The following PDZRN4 variants were observed in gnomAD, a reference collection of about 807,000 sequenced individuals.
PDZRN4 encodes the protein PDZ domain containing ring finger 4.
A neutral mutation model predicts 99.0 loss-of-function variants in PDZRN4; 70 were observed. That is an observed-to-expected ratio of 0.71 (90% CI 0.58 to 0.86). The LOEUF (loss-of-function observed/expected upper bound fraction) is 0.86, where lower values mean the gene tolerates loss of function less well. Ranked by LOEUF, PDZRN4 falls within the 40% of genes least tolerant of loss-of-function variation. The pLI is 0.00. For missense variants in PDZRN4, 1,474 were observed against 1,331.2 expected (o/e 1.11, Z -1.67); for synonymous variants, 551 against 501.6 (o/e 1.10, Z -1.32).
intron 3 of PDZRN4, among the ~76,000 whole-genome samples, chr12:41,407,185 A>T (rs1952356403): frequency 6.6e-6 from 1 of 152,160 alleles, no homozygotes; most frequent in Non-Finnish European, 1.5e-5. Flanking sequence ...GTCCTCATCC[A>T]CTTGGGGATA....
intron 3 of PDZRN4, among the ~76,000 whole-genome samples, chr12:41,398,764 T>C (rs1952268681): frequency 6.6e-6 from 1 of 152,174 alleles, no homozygotes; most frequent in East Asian, 1.9e-4. Context: ...CTTTCATACC[T>C]GCTGTATGTA....
chr12:41,407,810 G>A (rs990935713), intron 3 of PDZRN4, among the ~76,000 whole-genome samples: 2 of 152,068 alleles, frequency 1.3e-5, no homozygotes, highest in East Asian at 1.9e-4. Context: ...TAAATTCTGC[G>A]AGAAAAGATG....
chr12:41,402,705 C>G (rs920264663), intron 3 of PDZRN4, among the ~76,000 whole-genome samples: 4 of 135,664 alleles, frequency 2.9e-5, no homozygotes, highest in Admixed American at 2.3e-4. Flanking sequence ...TATATATACT[C>G]TCTTCAAAAG....
At chr12:41,428,421 CATTATA>C (rs1399010196) in intron 3 of PDZRN4, among the ~76,000 whole-genome samples, 2 of 152,084 alleles carry the variant, frequency 1.3e-5, no homozygotes, top group East Asian at 3.9e-4. Context: ...CCTTGACTAC[CATTATA>C]ATGACTGAAT....
In PDZRN4 at chr12:41,449,768, G is replaced by A. The variant is rs146979613; in HGVS notation, c.844-56688G>A. Among the ~76,000 whole-genome samples, 696 of 152,304 alleles carry A rather than the reference G, an allele frequency of 4.6e-3. 6 individuals are homozygous for A. Among genetic ancestry groups the A allele is most frequent in the Non-Finnish European group, 5.7e-3 (385 of 68,014 alleles). On this transcript the variant is annotated intron_variant, in intron 3 of 9. Transcript: ENST00000402685. ...AATCAATTATTGACTTAGTAATTGT[G>A]ATGCATCTCCTTTTGCTGCCTTCTG... is the stretch of plus-strand genomic sequence containing the variant.
chr12:41,277,802 TGG>T (rs1439937671), intron 3 of PDZRN4, among the ~76,000 whole-genome samples: 1 of 152,222 alleles, frequency 6.6e-6, no homozygotes, highest in Non-Finnish European at 1.5e-5. Context: ...AATTTCTCTT[TGG>T]TAGATTAGCA....
At chr12:41,477,985 T>C in intron 3 of PDZRN4, 1 of 994,386 alleles carries the variant, frequency 1.0e-6, no homozygotes, top group Admixed American at 2.0e-5. Flanking sequence ...CGAATTAATC[T>C]ACATGATATA....
At chr12:41,483,897 C>T (rs919535544) in intron 3 of PDZRN4, among the ~76,000 whole-genome samples, 5 of 152,162 alleles carry the variant, frequency 3.3e-5, no homozygotes, top group African/African-American at 1.2e-4. Flanking sequence ...AAAGAGCCCT[C>T]TTCATCTGAC....
intron 3 of PDZRN4, among the ~76,000 whole-genome samples, chr12:41,300,433 A>C (rs1362572917): frequency 6.6e-6 from 1 of 152,024 alleles, no homozygotes; most frequent in South Asian, 2.1e-4. Context: ...TCTTAATTAT[A>C]TTTTGAGATA....
At chr12:41,256,545 C>G (rs1951205818) in intron 3 of PDZRN4, among the ~76,000 whole-genome samples, 1 of 152,180 alleles carries the variant, frequency 6.6e-6, no homozygotes, top group Admixed American at 6.5e-5. Context: ...TTTCTATCCT[C>G]TTGACGTAAG....
In PDZRN4 at chr12:41,221,425, A is replaced by C. The variant is rs548092938; in HGVS notation, c.843+27237A>C. Among the ~76,000 whole-genome samples the C allele has an allele frequency of 3.3e-5, 5 of 152,274 alleles. No individual in the cohort carries two copies. In the South Asian group the frequency reaches 1.0e-3, roughly 32 times the overall value. On this transcript the variant is annotated intron_variant, in intron 3 of 9. Coordinates refer to ENST00000402685, the MANE Select transcript of PDZRN4 (RefSeq NM_001164595.2). ...AAGCAATGTTAATCCATATCCTTAC[A>C]GGCAACACATTTGGTAGAGCATTAT...
intron 3 of PDZRN4, among the ~76,000 whole-genome samples, chr12:41,237,955 T>C (rs577363634): frequency 3.7e-4 from 56 of 152,310 alleles, no homozygotes; most frequent in African/African-American, 1.3e-3. Flanking sequence ...ACTCAGGCTC[T>C]TTTTTCTTTC....
chr12:41,572,252 G>A, intron 9 of PDZRN4, 112 bp from the exon 10 acceptor site: 1 of 820,420 alleles, frequency 1.2e-6, no homozygotes, highest in Admixed American at 2.8e-5. Flanking sequence ...TAGAGCAACT[G>A]TCTAGGAGAT....
At chr12:41,294,531 A>G (rs915946051) in intron 3 of PDZRN4, among the ~76,000 whole-genome samples, 1 of 152,202 alleles carries the variant, frequency 6.6e-6, no homozygotes, top group Non-Finnish European at 1.5e-5. Context: ...GAATTCATTC[A>G]TTTTAAATAT....
chr12:41,220,430 C>T (rs1950947232), intron 3 of PDZRN4, among the ~76,000 whole-genome samples: 1 of 152,052 alleles, frequency 6.6e-6, no homozygotes, highest in African/African-American at 2.4e-5. Flanking sequence ...AATGCAGTCA[C>T]ATTTGGAGGT....
At chr12:41,344,084 T>G (rs1477223978) in intron 3 of PDZRN4, among the ~76,000 whole-genome samples, 1 of 152,226 alleles carries the variant, frequency 6.6e-6, no homozygotes, top group African/African-American at 2.4e-5. Flanking sequence ...TTCTTCATGT[T>G]AAAGCAGCTT....
intron 3 of PDZRN4, among the ~76,000 whole-genome samples, chr12:41,204,317 G>A (rs963902956): frequency 7.9e-5 from 12 of 152,088 alleles, no homozygotes; most frequent in Middle Eastern, 3.4e-3. Flanking sequence ...AGAGAAAGAC[G>A]GAGAGAGACA....
intron 3 of PDZRN4, among the ~76,000 whole-genome samples, chr12:41,231,005 C>T (rs1405548): frequency 0.67 from 101,359 of 152,006 alleles, 33,918 homozygotes; most frequent in South Asian, 0.73. Flanking sequence ...CCCATCACTT[C>T]CCCTGTGGTT....
intron 3 of PDZRN4, among the ~76,000 whole-genome samples, chr12:41,397,187 G>T (rs111974145): frequency 1.3e-5 from 2 of 152,036 alleles, no homozygotes; most frequent in Non-Finnish European, 2.9e-5. Context: ...TACTTGATTT[G>T]TTAAATGAAT....
Sources: gnomAD v4.1 joint callset for allele counts (sites outside exome capture counted in the v4.1 genomes callset) on GRCh38, gnomAD v4.1.1 for gene constraint, MANE v1.5 for transcripts, NCBI Gene and HGNC (gene_info 2026-07-23, HGNC 2026-07-21) for gene names.